The following MTUS2 variants were observed in gnomAD, a reference collection of about 807,000 sequenced individuals.
The protein encoded by MTUS2 is microtubule-associated tumor suppressor candidate 2.
Under a neutral mutation model 114.1 loss-of-function variants are expected in MTUS2, and 40 were observed. That is an observed-to-expected ratio of 0.35 (90% confidence interval 0.27 to 0.46). The LOEUF (loss-of-function observed/expected upper bound fraction) is 0.46, where lower values mean the gene tolerates loss of function less well. Among genes scored for constraint, MTUS2 ranks in the 20% least tolerant of loss-of-function variants. The probability of loss-of-function intolerance (pLI) is 1.00; values close to 1 mark genes in which losing one functional copy is unlikely to be tolerated. For synonymous variants in MTUS2, 688 were observed against 672.0 expected, an observed-to-expected ratio of 1.02 and a Z score of -0.37; for missense variants, 1,679 against 1,705.4, an observed-to-expected ratio of 0.98 and a Z score of 0.27.
In MTUS2 at chr13:29,331,493, C is replaced by G. The variant is rs542472310; in HGVS notation, c.2905+6782C>G. ...ATTTCATATGGAACCAAAAAAGAGC[C>G]ACATAGCCAAGACAATCCTAAGCAA... is the stretch of plus-strand genomic sequence containing the variant. On this transcript the variant is annotated intron_variant, in intron 7 of 15. Transcript: ENST00000612955. 4.9e-4 allele frequency among the ~76,000 whole-genome samples: 75 copies of G among 152,210 alleles called. 1 individual carries two copies. The South Asian group carries it at 7.3e-3, about 15-fold the overall frequency.
intron 6 of MTUS2, among the ~76,000 whole-genome samples, chr13:29,323,169 GC>G (rs529902085): frequency 1.5e-3 from 221 of 152,210 alleles, no homozygotes; most frequent in African/African-American, 5.0e-3. Context: ...TATTTCAGTG[GC>G]TAAACTTGTA....
chr13:29,192,420 G>T (rs1894484846), intron 5 of MTUS2, among the ~76,000 whole-genome samples: 2 of 152,186 alleles, frequency 1.3e-5, no homozygotes, highest in South Asian at 4.1e-4. Context: ...AGGATAGGGA[G>T]AGATTTATTA....
At position 29,025,523 on chromosome 13, in the gene MTUS2, A is replaced by G. The variant is rs773706333; in HGVS notation, c.825A>G (p.Ser275=). The part of the protein sequence containing the change: ...HVLQVCSEHT[S]HSAHPEPALN... ...TGCAGGTGTGCAGTGAGCACACATC[A>G]CATTCCGCCCATCCAGAGCCTGCTC... Residue 275 remains serine, a synonymous_variant, in exon 3 of 16, where the codon TCA becomes TCG. Transcript: ENST00000612955. The G allele has an allele frequency of 6.2e-7, 1 of 1,613,720 alleles. No homozygotes were observed. Among genetic ancestry groups the G allele is most frequent in the Admixed American group, 1.7e-5 (1 of 59,990 alleles).
At position 29,357,361 on chromosome 13, in the gene MTUS2, C is replaced by A. The variant is rs1050320989; in HGVS notation, c.2906-1901C>A. ...TTACAATTAGCTCTAATTCACTGAGCTGGAAATTGTTTTATTATTTCCTTT... is the reference window on the plus strand; with the variant it reads ...TTACAATTAGCTCTAATTCACTGAGATGGAAATTGTTTTATTATTTCCTTT... On this transcript the variant is annotated intron_variant, in intron 7 of 15. Coordinates refer to ENST00000612955, the MANE Select transcript of MTUS2 (RefSeq NM_001033602.4). 1.7e-4 allele frequency among the ~76,000 whole-genome samples: 26 copies of A among 152,318 alleles called. 1 individual carries two copies. Among genetic ancestry groups the A allele is most frequent in the African/African-American group, 5.8e-4 (24 of 41,578 alleles).
chr13:29,282,474 C>G (rs1898313885), intron 6 of MTUS2, among the ~76,000 whole-genome samples: 1 of 152,248 alleles, frequency 6.6e-6, no homozygotes, highest in Non-Finnish European at 1.5e-5. Flanking sequence ...AAAGGTGTAA[C>G]TAGCACAGGT....
intron 4 of MTUS2, among the ~76,000 whole-genome samples, chr13:29,080,884 C>A (rs1263269496): frequency 6.6e-6 from 1 of 152,098 alleles, no homozygotes; most frequent in Non-Finnish European, 1.5e-5. Context: ...CACCACTATG[C>A]CTAGCTAATT....
At chr13:29,100,245 C>T (rs1274360242) in intron 4 of MTUS2, among the ~76,000 whole-genome samples, 1 of 152,190 alleles carries the variant, frequency 6.6e-6, no homozygotes, top group Non-Finnish European at 1.5e-5. Context: ...GTTCCACAGT[C>T]TGCACTATCT....
intron 7 of MTUS2, among the ~76,000 whole-genome samples, chr13:29,357,328 A>G (rs930347646): frequency 3.3e-5 from 5 of 152,228 alleles, no homozygotes; most frequent in African/African-American, 1.2e-4. Context: ...GACTCTCTGT[A>G]CCATAGGTTA....
intron 2 of MTUS2, among the ~76,000 whole-genome samples, chr13:28,902,228 T>A (rs1879688364): frequency 1.3e-5 from 2 of 152,188 alleles, no homozygotes; most frequent in South Asian, 4.1e-4. Context: ...TTTTAAAAAA[T>A]AGTTTTCTTG....
At chr13:28,862,727 T>C (rs983795693) in intron 2 of MTUS2, among the ~76,000 whole-genome samples, 1 of 152,230 alleles carries the variant, frequency 6.6e-6, no homozygotes. Flanking sequence ...TATATTCCCT[T>C]GGTGAATTCT....
intron 4 of MTUS2, among the ~76,000 whole-genome samples, chr13:29,044,305 TTCTTA>T (rs753940369): frequency 6.6e-6 from 1 of 152,112 alleles, no homozygotes; most frequent in Non-Finnish European, 1.5e-5. Flanking sequence ...AAATCTACTG[TTCTTA>T]TCTTTGGGTC....
intron 5 of MTUS2, among the ~76,000 whole-genome samples, chr13:29,159,756 C>T (rs1893016154): frequency 6.6e-6 from 1 of 152,098 alleles, no homozygotes; most frequent in Non-Finnish European, 1.5e-5. Context: ...ACATCATTAG[C>T]CGTTTGGGAA....
chr13:28,909,809 C>T lies in MTUS2; in HGVS notation c.-243+69959C>T, dbSNP rs542889955. On this transcript the variant is annotated intron_variant, in intron 2 of 15. Coordinates refer to ENST00000612955, the MANE Select transcript of MTUS2 (RefSeq NM_001033602.4). The stretch of plus-strand genomic sequence containing the variant: ...CGTCTCAGCCCAAAATCTCCTTAAG[C>T]TCATAGGCAACTTCAGGAAAGTCTC... 9.2e-5 allele frequency among the ~76,000 whole-genome samples: 14 copies of T among 152,334 alleles called. No individual in the cohort carries two copies. The South Asian group carries it at 1.0e-3, about 11-fold the overall frequency.
chr13:28,998,953 G>C (rs1398575738), intron 2 of MTUS2, among the ~76,000 whole-genome samples: 1 of 152,168 alleles, frequency 6.6e-6, no homozygotes, highest in Non-Finnish European at 1.5e-5. Context: ...TCCTTTGGAG[G>C]AGGAGAGGCA....
chr13:29,267,833 G>A (rs367867463), intron 5 of MTUS2, among the ~76,000 whole-genome samples: 15 of 152,278 alleles, frequency 9.9e-5, no homozygotes, highest in African/African-American at 3.1e-4. Context: ...GAGAAAGAAA[G>A]GGTGGTGGGA....
At chr13:28,823,750 C>T (rs1403996180) in intron 1 of MTUS2, among the ~76,000 whole-genome samples, 1 of 152,192 alleles carries the variant, frequency 6.6e-6, no homozygotes, top group East Asian at 1.9e-4. Context: ...ATACCCAAGA[C>T]TGGGTAATAT....
At chr13:29,347,687 C>T (rs112589127) in intron 7 of MTUS2, among the ~76,000 whole-genome samples, 11,511 of 152,158 alleles carry the variant, frequency 0.076, 1,471 homozygotes, top group African/African-American at 0.26. Context: ...GCACAGACCA[C>T]ACAGGTTAAG....
intron 2 of MTUS2, among the ~76,000 whole-genome samples, chr13:28,917,478 T>C (rs1880808858): frequency 6.6e-6 from 1 of 151,908 alleles, no homozygotes; most frequent in Admixed American, 6.6e-5. Context: ...TTCTTCATGG[T>C]TAAATCTTGG....
chr13:29,416,020 A>C (rs1875630490), intron 8 of MTUS2, among the ~76,000 whole-genome samples: 1 of 150,818 alleles, frequency 6.6e-6, no homozygotes, highest in African/African-American at 2.4e-5. Flanking sequence ...CCATCAAGTG[A>C]TTCTCCTGCC....
Sources: allele counts gnomAD v4.1 joint callset (sites outside exome capture counted in the v4.1 genomes callset), GRCh38; gene constraint gnomAD v4.1.1; transcripts MANE v1.5; gene names NCBI Gene and HGNC (gene_info 2026-07-23, HGNC 2026-07-21).